The following RPS6KC1 variants were observed in gnomAD, a reference collection of about 807,000 sequenced individuals.
The protein encoded by RPS6KC1 is ribosomal protein S6 kinase C1, also known as inactive ribosomal protein S6 kinase delta-1.
In RPS6KC1, 54 loss-of-function variants were observed where a neutral mutation model predicts 103.8. That is an observed-to-expected ratio of 0.52 (90% confidence interval 0.42 to 0.65). The LOEUF (loss-of-function observed/expected upper bound fraction) is 0.65. Ranked by LOEUF, RPS6KC1 falls within the 30% of genes least tolerant of loss-of-function variation. RPS6KC1 has a pLI of 0.00. For missense variants in RPS6KC1, 1,151 were observed against 1,253.8 expected (o/e 0.92, Z 1.24); for synonymous variants, 439 against 438.7 (o/e 1.00, Z -0.01).
At chr1:213,728,535 C>T in the RPS6KC1 span, among the ~76,000 whole-genome samples, 1 of 152,132 alleles carries the variant, frequency 6.6e-6, no homozygotes, top group African/African-American at 2.4e-5. Flanking sequence ...CCTTTCTGTG[C>T]CTCAGTTTCT....
the RPS6KC1 span, among the ~76,000 whole-genome samples, chr1:213,540,327 A>G: frequency 6.6e-6 from 1 of 152,144 alleles, no homozygotes; most frequent in Non-Finnish European, 1.5e-5. Flanking sequence ...TATGTTGTCC[A>G]GACTATGTGA....
the RPS6KC1 span, among the ~76,000 whole-genome samples, chr1:213,585,359 A>T: frequency 6.6e-6 from 1 of 152,088 alleles, no homozygotes; most frequent in Non-Finnish European, 1.5e-5. Context: ...TCCCCCTGAG[A>T]AAGGACTGCT....
chr1:213,710,704 G>A, the RPS6KC1 span, among the ~76,000 whole-genome samples: 1 of 152,160 alleles, frequency 6.6e-6, no homozygotes, highest in Admixed American at 6.5e-5. Context: ...TTGTAAGGCA[G>A]GCCTGGTGGT....
chr1:213,482,387 T>C, the RPS6KC1 span, among the ~76,000 whole-genome samples: 3 of 152,088 alleles, frequency 2.0e-5, no homozygotes, highest in African/African-American at 7.2e-5. Context: ...TGTTTTGGTG[T>C]GTAAATCTTT....
chr1:213,370,248 A>ATTTTATTTTATTTTATTTTATTTTAT, the RPS6KC1 span, among the ~76,000 whole-genome samples: 10 of 142,086 alleles, frequency 7.0e-5, no homozygotes, highest in African/African-American at 2.9e-4. Context: ...ATTTTATTTT[A>ATTTTATTTTATTTTATTTTATTTTAT]TTTATTTTAT....
chr1:213,661,427 G>A, the RPS6KC1 span, among the ~76,000 whole-genome samples: 2 of 152,218 alleles, frequency 1.3e-5, no homozygotes, highest in Non-Finnish European at 2.9e-5. Context: ...CCTTTTCAGA[G>A]TGTGAGCAGA....
the RPS6KC1 span, among the ~76,000 whole-genome samples, chr1:213,312,868 G>A: frequency 4.6e-5 from 7 of 152,146 alleles, no homozygotes; most frequent in Non-Finnish European, 1.0e-4. Flanking sequence ...TTTTCAAGTC[G>A]CTGTTTTTAG....
chr1:213,532,093 C>T, the RPS6KC1 span, among the ~76,000 whole-genome samples: 9 of 152,190 alleles, frequency 5.9e-5, no homozygotes, highest in Non-Finnish European at 1.2e-4. Flanking sequence ...TTACGGCCTT[C>T]ACTCACAAGA....
chr1:213,113,181 AG>A (rs2083207746), intron 4 of RPS6KC1, among the ~76,000 whole-genome samples: 1 of 151,774 alleles, frequency 6.6e-6, no homozygotes, highest in Non-Finnish European at 1.5e-5. Context: ...TCCCACCAAC[AG>A]TGTAAAAGTG....
the RPS6KC1 span, among the ~76,000 whole-genome samples, chr1:213,379,093 A>T: frequency 6.6e-6 from 1 of 152,098 alleles, no homozygotes; most frequent in South Asian, 2.1e-4. Context: ...AAGACCCTTG[A>T]CCTTTCTGAG....
rs530663696 is a variant in RPS6KC1, at chr1:213,207,630, G to A, written c.1045-22867G>A. 3.3e-5 allele frequency among the ~76,000 whole-genome samples: 5 copies of A among 152,006 alleles called. 1 individual carries two copies. The South Asian group carries it at 1.0e-3, about 32-fold the overall frequency. On this transcript the variant is annotated intron_variant, in intron 8 of 14. Coordinates refer to ENST00000366960, the MANE Select transcript of RPS6KC1 (RefSeq NM_012424.6). ...CTTCTTAGAGTCTCATATTTTGTGT[G>A]GCTCCCCTGCACATGTGCGTGTTTA...
At chr1:213,211,133 C>T (rs1304579770) in intron 8 of RPS6KC1, among the ~76,000 whole-genome samples, 4 of 152,166 alleles carry the variant, frequency 2.6e-5, no homozygotes, top group African/African-American at 9.7e-5. Context: ...ATACAATAGA[C>T]TATACTTTTA....
chr1:213,845,267 T>C, the RPS6KC1 span, among the ~76,000 whole-genome samples: 6 of 152,186 alleles, frequency 3.9e-5, no homozygotes, highest in African/African-American at 1.4e-4. Flanking sequence ...TCTTCCCCCT[T>C]CTACCCCAAA....
intron 4 of RPS6KC1, among the ~76,000 whole-genome samples, chr1:213,108,823 A>AT (rs1238948598): frequency 6.6e-6 from 1 of 151,664 alleles, no homozygotes; most frequent in Non-Finnish European, 1.5e-5. Flanking sequence ...TTATTTTTAA[A>AT]TTTTTTTGTA....
At chr1:213,536,723 A>G in the RPS6KC1 span, among the ~76,000 whole-genome samples, 1 of 152,194 alleles carries the variant, frequency 6.6e-6, no homozygotes, top group Non-Finnish European at 1.5e-5. Flanking sequence ...TTCCTTCTTG[A>G]CATATGCAGC....
chr1:213,758,596 G>T, the RPS6KC1 span, among the ~76,000 whole-genome samples: 1 of 150,444 alleles, frequency 6.6e-6, no homozygotes, highest in African/African-American at 2.4e-5. Context: ...AAAAAAAAAT[G>T]TGATTCATGA....
At chr1:213,547,334 G>T in the RPS6KC1 span, among the ~76,000 whole-genome samples, 1 of 152,102 alleles carries the variant, frequency 6.6e-6, no homozygotes, top group South Asian at 2.1e-4. Flanking sequence ...ATGTCTAAAT[G>T]CTTCTACCTA....
chr1:213,420,865 T>C, the RPS6KC1 span, among the ~76,000 whole-genome samples: 20 of 152,152 alleles, frequency 1.3e-4, no homozygotes, highest in South Asian at 2.1e-4. Flanking sequence ...GCAGACCCCA[T>C]GCACGCCTCT....
chr1:213,428,608 C>A, the RPS6KC1 span: 1 of 140,480 alleles, frequency 7.1e-6, no homozygotes, highest in African/African-American at 2.7e-5. Flanking sequence ...CCCTCCCTCC[C>A]TCCCTCTCTC....
Sources: allele counts gnomAD v4.1 joint callset (sites outside exome capture counted in the v4.1 genomes callset), GRCh38; gene constraint gnomAD v4.1.1; transcripts MANE v1.5; gene names NCBI Gene and HGNC (gene_info 2026-07-23, HGNC 2026-07-21).